Variants in STPG2 observed in about 807,000 individuals in gnomAD.
The protein encoded by STPG2 is sperm-tail PG-rich repeat-containing protein 2.
STPG2 carries 56 observed loss-of-function variants against 54.2 expected under a neutral mutation model. The observed-to-expected ratio is 1.03, with a 90% CI of 0.83 to 1.29. STPG2 has a LOEUF of 1.29. Among genes scored for constraint, STPG2 ranks in the 50% most tolerant of loss-of-function variants. The pLI, the probability that STPG2 is intolerant of heterozygous loss-of-function variation, is 0.00. For missense variants in STPG2, 596 were observed against 544.9 expected (o/e 1.09, Z -0.93); for synonymous variants, 200 against 181.8 (o/e 1.10, Z -0.81).
intron 10 of STPG2, among the ~76,000 whole-genome samples, chr4:97,691,527 G>T (rs762087381): frequency 1.2e-4 from 19 of 152,058 alleles, no homozygotes; most frequent in Non-Finnish European, 2.6e-4. Context: ...AGCAAGCCCT[G>T]CCCAAGGAGA....
chr4:97,734,909 A>G (rs1724924437), intron 9 of STPG2, among the ~76,000 whole-genome samples: 1 of 151,970 alleles, frequency 6.6e-6, no homozygotes, highest in African/African-American at 2.4e-5. Flanking sequence ...CATCTCTACT[A>G]AAAATACAAA....
chr4:97,970,694 A>C (rs1734294587), intron 7 of STPG2, among the ~76,000 whole-genome samples: 1 of 152,250 alleles, frequency 6.6e-6, no homozygotes, highest in African/African-American at 2.4e-5. Context: ...TTAGACCTAA[A>C]ACCATAAAAT....
At chr4:97,919,885 C>CT (rs772813359) in intron 8 of STPG2, among the ~76,000 whole-genome samples, 23 of 152,108 alleles carry the variant, frequency 1.5e-4, no homozygotes, top group African/African-American at 1.9e-4. Flanking sequence ...CTGTCTATAA[C>CT]TTTTTTTTAC....
intron 5 of STPG2, among the ~76,000 whole-genome samples, chr4:98,001,247 C>A (rs952156404): frequency 1.3e-5 from 2 of 151,610 alleles, no homozygotes; most frequent in African/African-American, 4.8e-5. Context: ...GGCTTTTGTA[C>A]TCAAAATTTT....
chr4:97,816,453 C>T (rs1359768818), intron 9 of STPG2, among the ~76,000 whole-genome samples: 1 of 152,130 alleles, frequency 6.6e-6, no homozygotes, highest in Admixed American at 6.6e-5. Flanking sequence ...AAGGAATCAC[C>T]ACACTGTCTT....
At chr4:97,954,882 A>G (rs1733614077) in intron 7 of STPG2, among the ~76,000 whole-genome samples, 1 of 152,220 alleles carries the variant, frequency 6.6e-6, no homozygotes, top group African/African-American at 2.4e-5. Context: ...GAAAAAAAAC[A>G]TAAAATAACA....
chr4:97,739,674 A>T (rs1253551461), intron 9 of STPG2, among the ~76,000 whole-genome samples: 1 of 152,220 alleles, frequency 6.6e-6, no homozygotes, highest in African/African-American at 2.4e-5. Context: ...GAAGAAGTTG[A>T]ATCTCTGAAT....
intron 8 of STPG2, among the ~76,000 whole-genome samples, chr4:97,866,392 A>C (rs1729781302): frequency 6.6e-6 from 1 of 152,016 alleles, no homozygotes; most frequent in African/African-American, 2.4e-5. Context: ...ACGTACCCAC[A>C]AAAACTAAAA....
intron 9 of STPG2, among the ~76,000 whole-genome samples, chr4:97,766,543 G>T (rs1440788898): frequency 6.6e-6 from 1 of 151,968 alleles, no homozygotes; most frequent in Non-Finnish European, 1.5e-5. Flanking sequence ...ATGTGTATTT[G>T]TAGGCCTTAT....
intron 8 of STPG2, among the ~76,000 whole-genome samples, chr4:97,860,289 T>C (rs1356675787): frequency 2.0e-5 from 3 of 152,040 alleles, no homozygotes; most frequent in Non-Finnish European, 4.4e-5. Context: ...TTTATGGGAA[T>C]TGCATTAAAT....
chr4:97,922,972 C>A (rs933871113), intron 8 of STPG2, among the ~76,000 whole-genome samples: 2 of 152,188 alleles, frequency 1.3e-5, no homozygotes, highest in Non-Finnish European at 2.9e-5. Context: ...CTTTTCTCTA[C>A]AAATGTCATT....
At chr4:97,646,429 A>T (rs1721913758) in intron 10 of STPG2, among the ~76,000 whole-genome samples, 1 of 152,092 alleles carries the variant, frequency 6.6e-6, no homozygotes, top group Admixed American at 6.6e-5. Flanking sequence ...TCAATAATGT[A>T]ATATATCCTA....
Position 97,610,508 on chromosome 4 carries a change from G to A in STPG2, c.1321-51391C>T, listed in dbSNP as rs187998999. ...TACTAGAAAGAAGCCAGTAGCAGAG[G>A]GAAATAAAGGCAAGAGTAGCCATGG... On this transcript the variant is annotated intron_variant, in intron 10 of 10. Transcript: ENST00000295268. 4.1e-3 allele frequency among the ~76,000 whole-genome samples: 626 copies of A among 152,050 alleles called. 3 individuals are homozygous for A. Among genetic ancestry groups the A allele is most frequent in the South Asian group, 0.02 (98 of 4,828 alleles).
chr4:97,707,145 A>G (rs938325513), intron 10 of STPG2, among the ~76,000 whole-genome samples: 1 of 152,174 alleles, frequency 6.6e-6, no homozygotes, highest in Non-Finnish European at 1.5e-5. Flanking sequence ...TGGAGTAAAT[A>G]TGTAGAAATG....
chr4:97,935,409 T>C (rs1317241674), intron 8 of STPG2, among the ~76,000 whole-genome samples: 1 of 152,216 alleles, frequency 6.6e-6, no homozygotes, highest in Non-Finnish European at 1.5e-5. Context: ...TAGTTATTTC[T>C]TGTCTTCTGC....
intron 7 of STPG2, among the ~76,000 whole-genome samples, chr4:97,957,657 A>G (rs1029376806): frequency 2.3e-4 from 35 of 152,184 alleles, no homozygotes; most frequent in African/African-American, 7.5e-4. Flanking sequence ...CAATCTTAAG[A>G]GCTGTGAGGC....
At chr4:97,652,135 G>T (rs1508463) in intron 10 of STPG2, among the ~76,000 whole-genome samples, 129,784 of 151,786 alleles carry the variant, frequency 0.86, 55,601 homozygotes, top group Middle Eastern at 0.95. Flanking sequence ...TCTAAAGGCC[G>T]TGAAACATCA....
chr4:97,778,200 G>C (rs928318353), intron 9 of STPG2, among the ~76,000 whole-genome samples: 105 of 152,142 alleles, frequency 6.9e-4, no homozygotes, highest in African/African-American at 2.4e-3. Flanking sequence ...CTGAAAAATC[G>C]GGTCAATCCC....
At chr4:97,820,996 C>A (rs1215962387) in intron 9 of STPG2, among the ~76,000 whole-genome samples, 1 of 152,128 alleles carries the variant, frequency 6.6e-6, no homozygotes, top group Admixed American at 6.6e-5. Context: ...TTGCAAATTA[C>A]AATCATGCTT....
Sources: gnomAD v4.1 joint callset for allele counts (sites outside exome capture counted in the v4.1 genomes callset) on GRCh38, gnomAD v4.1.1 for gene constraint, MANE v1.5 for transcripts, NCBI Gene and HGNC (gene_info 2026-07-23, HGNC 2026-07-21) for gene names.